DAB1: variants seen among roughly 807,000 people sequenced by gnomAD.
The protein encoded by DAB1 is disabled homolog 1.
In DAB1, 15 loss-of-function variants were observed where a neutral mutation model predicts 64.6. The ratio of observed to expected loss-of-function variants is 0.23; its 90% CI spans 0.16 to 0.36. The LOEUF (loss-of-function observed/expected upper bound fraction) is 0.36. Ranked by LOEUF, DAB1 falls within the 10% of genes least tolerant of loss-of-function variation. The pLI, the probability that DAB1 is intolerant of heterozygous loss-of-function variation, is 1.00. For missense variants in DAB1, 596 were observed against 706.7 expected, an observed-to-expected ratio of 0.84 and a Z score of 1.78; for synonymous variants, 235 against 251.9, an observed-to-expected ratio of 0.93 and a Z score of 0.64.
At chr1:57,283,491 A>G (rs958786551) in intron 2 of DAB1, among the ~76,000 whole-genome samples, 7 of 152,186 alleles carry the variant, frequency 4.6e-5, no homozygotes, top group Non-Finnish European at 2.9e-5. Flanking sequence ...TTTCAATGCT[A>G]GGTTTTTTAT....
Position 57,366,898 on chromosome 1 carries a change from T to C in DAB1, c.-137+57032A>G, listed in dbSNP as rs182258934. On this transcript the variant is annotated intron_variant, in intron 1 of 14. Transcript: ENST00000371236. The stretch of plus-strand genomic sequence containing the variant: ...AGCTGGAAAGAATGAAGCCCAGGAA[T>C]GTAAACTGACTATATAAATCACACA... Among the ~76,000 whole-genome samples the C allele has an allele frequency of 1.5e-3, 234 of 151,946 alleles. 1 individual carries two copies. The highest frequency in any genetic ancestry group is 5.5e-3 in the African/African-American group (228 of 41,476).
intron 6 of DAB1, among the ~76,000 whole-genome samples, chr1:57,678,215 GC>G (rs1007713651): frequency 2.0e-5 from 3 of 151,962 alleles, no homozygotes; most frequent in African/African-American, 7.3e-5. Context: ...TTACTACCAT[GC>G]TGCATTTAAC....
At chr1:57,154,617 A>T (rs747044603) in intron 2 of DAB1, among the ~76,000 whole-genome samples, 4 of 152,228 alleles carry the variant, frequency 2.6e-5, no homozygotes, top group Non-Finnish European at 4.4e-5. Context: ...AGGAACTTCC[A>T]AACTGTTCTC....
chr1:58,414,401 C>T lies in DAB1; in HGVS notation n.258-70998G>A, dbSNP rs117818838. ...AGCATCTTCCAGCATAGGACTCACC[C>T]CACTGTGCTGTAATTGCCTGTTTTA... On this transcript the variant is annotated intron_variant and non_coding_transcript_variant, in intron 3 of 20. Coordinates refer to the DAB1 transcript ENST00000485760. 1.6e-4 allele frequency among the ~76,000 whole-genome samples: 24 copies of T among 152,296 alleles called. No homozygotes were observed. In the East Asian group the frequency reaches 4.4e-3, roughly 28 times the overall value.
chr1:57,411,470 C>G (rs1684106674), intron 1 of DAB1, among the ~76,000 whole-genome samples: 1 of 152,256 alleles, frequency 6.6e-6, no homozygotes, highest in South Asian at 2.1e-4. Context: ...TAACTGTGGT[C>G]TATCCGAAAT....
At chr1:58,087,101 T>C (rs1650363661) in intron 5 of DAB1, among the ~76,000 whole-genome samples, 1 of 152,184 alleles carries the variant, frequency 6.6e-6, no homozygotes. Flanking sequence ...TTTCCTCTAA[T>C]ATATAATGGA....
At chr1:57,644,694 A>G (rs958245414) in intron 7 of DAB1, among the ~76,000 whole-genome samples, 5 of 151,454 alleles carry the variant, frequency 3.3e-5, no homozygotes, top group African/African-American at 1.2e-4. Context: ...TTTTATAACT[A>G]TATATGCATT....
chr1:57,342,881 C>A (rs570040297), intron 1 of DAB1, among the ~76,000 whole-genome samples: 2 of 152,106 alleles, frequency 1.3e-5, no homozygotes, highest in East Asian at 3.9e-4. Context: ...CAGACCTTTG[C>A]GGTGAGTATT....
intron 4 of DAB1, among the ~76,000 whole-genome samples, chr1:57,100,304 G>A (rs1358784221): frequency 2.0e-5 from 3 of 149,882 alleles, no homozygotes; most frequent in Non-Finnish European, 4.4e-5. Flanking sequence ...TGTTGTTATT[G>A]TTGTTTTTCA....
At chr1:57,679,407 C>A (rs913311165) in intron 6 of DAB1, among the ~76,000 whole-genome samples, 3 of 152,152 alleles carry the variant, frequency 2.0e-5, no homozygotes, top group African/African-American at 7.2e-5. Context: ...CTGAAGACTC[C>A]AGAACAGGGA....
intron 2 of DAB1, among the ~76,000 whole-genome samples, chr1:57,270,983 G>T (rs1156298956): frequency 6.6e-6 from 1 of 152,188 alleles, no homozygotes; most frequent in Non-Finnish European, 1.5e-5. Flanking sequence ...AGTTTCCAAA[G>T]ACTTTCACTC....
intron 5 of DAB1, among the ~76,000 whole-genome samples, chr1:57,923,278 G>T (rs1208109297): frequency 6.6e-6 from 1 of 152,152 alleles, no homozygotes; most frequent in Non-Finnish European, 1.5e-5. Context: ...GAATGAGAAA[G>T]TATGTATCCT....
intron 5 of DAB1, among the ~76,000 whole-genome samples, chr1:57,973,242 G>C (rs898569070): frequency 1.3e-5 from 2 of 152,172 alleles, no homozygotes; most frequent in Non-Finnish European, 2.9e-5. Flanking sequence ...GTGGCCACAA[G>C]CTAAGGAATG....
At chr1:58,540,051 T>C (rs1487708868) in intron 1 of DAB1, among the ~76,000 whole-genome samples, 5 of 152,074 alleles carry the variant, frequency 3.3e-5, no homozygotes, top group East Asian at 1.9e-4. Context: ...CCTGAAAAGA[T>C]TGCAGGGAAT....
intron 2 of DAB1, among the ~76,000 whole-genome samples, chr1:57,218,655 C>T (rs1009216069): frequency 2.2e-4 from 34 of 151,408 alleles, no homozygotes; most frequent in Admixed American, 2.2e-3. Flanking sequence ...TGATCATGAA[C>T]CAGGGTGACA....
chr1:57,784,994 G>C (rs1207635795), intron 6 of DAB1, among the ~76,000 whole-genome samples: 4 of 152,176 alleles, frequency 2.6e-5, no homozygotes, highest in African/African-American at 9.6e-5. Flanking sequence ...TCTTTTGTTT[G>C]AGGCTAACGT....
intron 5 of DAB1, among the ~76,000 whole-genome samples, chr1:58,075,365 A>C (rs1649574580): frequency 6.6e-6 from 1 of 152,176 alleles, no homozygotes; most frequent in African/African-American, 2.4e-5. Flanking sequence ...TTGGCTAATG[A>C]AATTGTGAGC....
intron 7 of DAB1, among the ~76,000 whole-genome samples, chr1:57,551,101 C>T (rs1291911746): frequency 6.6e-6 from 1 of 152,194 alleles, no homozygotes; most frequent in Non-Finnish European, 1.5e-5. Context: ...CCATATCACA[C>T]TCTTTCCATC....
chr1:58,010,737 A>G (rs1646656094), intron 5 of DAB1, among the ~76,000 whole-genome samples: 1 of 152,212 alleles, frequency 6.6e-6, no homozygotes, highest in Non-Finnish European at 1.5e-5. Flanking sequence ...CAGGGCTCTC[A>G]GAAGCACAGC....
Sources: gnomAD v4.1 joint callset for allele counts (sites outside exome capture counted in the v4.1 genomes callset) on GRCh38, gnomAD v4.1.1 for gene constraint, MANE v1.5 for transcripts, NCBI Gene and HGNC (gene_info 2026-07-23, HGNC 2026-07-21) for gene names.